SGCE: variants seen among roughly 807,000 people sequenced by gnomAD.
The protein encoded by SGCE is epsilon-sarcoglycan.
In SGCE, 26 loss-of-function variants were observed where a neutral mutation model predicts 57.8. The observed-to-expected ratio is 0.45, with a 90% CI of 0.33 to 0.62. The LOEUF is 0.62. Among genes scored for constraint, SGCE ranks in the 20% least tolerant of loss-of-function variants. SGCE has a pLI of 0.02. For synonymous variants in SGCE, 183 were observed against 189.5 expected (o/e 0.97, Z 0.28); for missense variants, 468 against 548.6 (o/e 0.85, Z 1.47).
At chr7:94,653,096 C>G (rs1391541888) in intron 1 of SGCE, among the ~76,000 whole-genome samples, 1 of 152,064 alleles carries the variant, frequency 6.6e-6, no homozygotes, top group Non-Finnish European at 1.5e-5. Flanking sequence ...AGTGAAAATT[C>G]CAGTTTGTTT....
At chr7:94,604,537 G>C (rs535303934) in intron 5 of SGCE, among the ~76,000 whole-genome samples, 1 of 151,266 alleles carries the variant, frequency 6.6e-6, no homozygotes, top group South Asian at 2.1e-4. Context: ...CATAGGAACA[G>C]ACAGACAGAT....
At chr7:94,629,330 A>G (rs1388463635) in intron 2 of SGCE, 1 of 169,914 alleles carries the variant, frequency 5.9e-6, no homozygotes, top group East Asian at 1.6e-4. Context: ...AAAAGCTCTT[A>G]CCTAATGCCA....
At chr7:94,591,982 A>G (rs1172447617) in intron 9 of SGCE, among the ~76,000 whole-genome samples, 1 of 152,198 alleles carries the variant, frequency 6.6e-6, no homozygotes, top group Non-Finnish European at 1.5e-5. Context: ...TAGATGAGTT[A>G]TATTAAAAAT....
chr7:94,647,952 C>A (rs1337004031), intron 1 of SGCE, among the ~76,000 whole-genome samples: 1 of 152,104 alleles, frequency 6.6e-6, no homozygotes, highest in Non-Finnish European at 1.5e-5. Flanking sequence ...ATCAAATAAT[C>A]TTGAAAAAAA....
intron 5 of SGCE, among the ~76,000 whole-genome samples, chr7:94,613,151 A>G (rs1231353489): frequency 2.6e-5 from 4 of 152,226 alleles, no homozygotes; most frequent in Non-Finnish European, 5.9e-5. Flanking sequence ...CATGCTCAGA[A>G]GCAGGAGATA....
At position 94,621,454 on chromosome 7, in the gene SGCE, T is replaced by C. The variant is rs1213770501; in HGVS notation, c.463+1871A>G. 3 of 152,338 alleles carry C rather than the reference T, an allele frequency of 2.0e-5. No homozygotes were observed. In the East Asian group the frequency reaches 5.8e-4, roughly 29 times the overall value. 9.4% of individuals were successfully genotyped at this position (152,338 alleles called of 1,614,324 possible). On this transcript the variant is annotated intron_variant, in intron 4 of 10. Coordinates refer to ENST00000648936, the MANE Select transcript of SGCE (RefSeq NM_003919.3). ...TTTCAATCCTACAGTTGTCTAGCAGTCTTCCATTAGTATCTACTTGACCAC... is the reference window on the plus strand; with the variant it reads ...TTTCAATCCTACAGTTGTCTAGCAGCCTTCCATTAGTATCTACTTGACCAC...
At chr7:94,604,343 G>A (rs1171761250) in intron 5 of SGCE, among the ~76,000 whole-genome samples, 1 of 151,900 alleles carries the variant, frequency 6.6e-6, no homozygotes, top group Admixed American at 6.6e-5. Flanking sequence ...AATTCTAGCT[G>A]CCTTCTTTGC....
chr7:94,594,165 G>A (rs983360629), intron 9 of SGCE, among the ~76,000 whole-genome samples: 5 of 152,018 alleles, frequency 3.3e-5, no homozygotes, highest in African/African-American at 9.7e-5. Flanking sequence ...GGTCAAATAC[G>A]TAATAGATTT....
intron 5 of SGCE, among the ~76,000 whole-genome samples, chr7:94,612,391 A>G (rs1252971161): frequency 1.3e-5 from 2 of 152,180 alleles, no homozygotes; most frequent in Non-Finnish European, 2.9e-5. Context: ...TCAAATGCAT[A>G]TATTTTAATC....
chr7:94,642,174 T>C (rs1338736572), intron 1 of SGCE, among the ~76,000 whole-genome samples: 1 of 152,176 alleles, frequency 6.6e-6, no homozygotes, highest in Non-Finnish European at 1.5e-5. Context: ...ACTGAATTTG[T>C]ATTCAATTTA....
intron 9 of SGCE, among the ~76,000 whole-genome samples, chr7:94,596,422 C>G (rs1798407252): frequency 6.6e-6 from 1 of 152,080 alleles, no homozygotes; most frequent in African/African-American, 2.4e-5. Flanking sequence ...TCAAGTTCCC[C>G]TACTCATTAT....
chr7:94,594,576 AACGAATGAC>A (rs2116629360), intron 9 of SGCE: 1 of 152,186 alleles, frequency 6.6e-6, no homozygotes, highest in South Asian at 2.1e-4. Context: ...TTAGTGGAAA[AACGAATGAC>A]ATCTGAAAAA....
At chr7:94,636,246 A>G (rs1459478885) in intron 1 of SGCE, among the ~76,000 whole-genome samples, 1 of 152,202 alleles carries the variant, frequency 6.6e-6, no homozygotes, top group African/African-American at 2.4e-5. Flanking sequence ...TTGGTGATCA[A>G]TAAGCTTAGT....
rs760109715 is a variant in SGCE at position 94,585,462 on chromosome 7, T to G, written c.*37A>C. 4.9e-5 allele frequency: 77 copies of G among 1,586,988 alleles called. No homozygotes were observed. Among genetic ancestry groups the G allele is most frequent in the Admixed American group, 1.0e-4 (6 of 59,948 alleles). On this transcript the variant is annotated 3_prime_UTR_variant, in exon 11 of 11. Coordinates refer to ENST00000648936, the MANE Select transcript of SGCE (RefSeq NM_003919.3). The stretch of plus-strand genomic sequence containing the variant: ...AATGTGATGTAACTGCTATATTGTC[T>G]GATTATAAATTCATTGCTTCAGTCA...
chr7:94,598,958 T>A lies in SGCE; in HGVS notation c.1070A>T (p.Gln357Leu). 6.2e-7 allele frequency: 1 copy of A among 1,613,028 alleles called. No individual in the cohort carries two copies. The highest frequency in any genetic ancestry group is 8.5e-7 in the Non-Finnish European group (1 of 1,179,154). ...CTGAATAGCACTGTGATGGACCAGT[T>A]GGATGCTAGGTCAAAAAGAAATAAA... Reference protein sequence around the residue: ...EKRNMQTPDIQLVHHSAIQKS... With the variant: ...EKRNMQTPDILLVHHSAIQKS... The change falls in exon 9 of 11, where the codon CAA becomes CTA. Residue 357 changes from glutamine (Q) to leucine (L), a missense_variant. Physicochemically the swap from Gln to Leu is moderately radical, Grantham distance 113. Transcript: ENST00000648936.
At chr7:94,623,542 A>G (rs1204728303) in intron 3 of SGCE, 145 bp from the exon 4 acceptor site, 1 of 629,294 alleles carries the variant, frequency 1.6e-6, no homozygotes, top group African/African-American at 1.9e-5. Flanking sequence ...TCTCTGGGCA[A>G]TGAGAACTCA....
chr7:94,592,427 C>T (rs892336387), intron 9 of SGCE, among the ~76,000 whole-genome samples: 1 of 151,982 alleles, frequency 6.6e-6, no homozygotes, highest in Non-Finnish European at 1.5e-5. Context: ...CAAGGAGGGA[C>T]CTTAATGAAG....
Position 94,623,227 on chromosome 7 carries a change from G to A in SGCE, c.463+98C>T, listed in dbSNP as rs1018501661. 5 of 692,408 alleles carry A rather than the reference G, an allele frequency of 7.2e-6. No individual in the cohort carries two copies. In the African/African-American group the frequency reaches 7.3e-5, roughly 10 times the overall value. The allele number at this position is 692,408 out of a possible 1,614,324, so 42.9% of individuals were successfully genotyped here. A position where few individuals can be genotyped will look rare whatever the true frequency, so the allele number is the denominator to read the frequency against. ...TTATTTCATCAGTTATATTAGGTAT[G>A]TGGCATTTTAAAATTCTTGACTATA... On this transcript the variant is annotated intron_variant, in intron 4 of 10. Coordinates refer to ENST00000648936, the MANE Select transcript of SGCE (RefSeq NM_003919.3).
At chr7:94,653,113 C>T (rs1001403851) in intron 1 of SGCE, among the ~76,000 whole-genome samples, 3 of 152,036 alleles carry the variant, frequency 2.0e-5, no homozygotes, top group African/African-American at 7.2e-5. Context: ...GTTTTGAAAT[C>T]GTTTTCTAAA....
Sources: allele counts gnomAD v4.1 joint callset (sites outside exome capture counted in the v4.1 genomes callset), GRCh38; gene constraint gnomAD v4.1.1; transcripts MANE v1.5; gene names NCBI Gene and HGNC (gene_info 2026-07-23, HGNC 2026-07-21).